TAB2: variants seen among roughly 807,000 people sequenced by gnomAD.
TAB2 encodes the protein TGF-beta activated kinase 1 (MAP3K7) binding protein 2.
TAB2 carries 3 observed loss-of-function variants against 65.0 expected under a neutral mutation model. The ratio of observed to expected loss-of-function variants is 0.05; its 90% CI spans 0.02 to 0.12. The LOEUF is 0.12. Among genes scored for constraint, TAB2 ranks in the 10% least tolerant of loss-of-function variants. The probability of loss-of-function intolerance (pLI) is 1.00; values close to 1 mark genes in which losing one functional copy is unlikely to be tolerated. For synonymous variants in TAB2, 298 were observed against 285.1 expected (o/e 1.05, Z -0.46); for missense variants, 623 against 840.3 (o/e 0.74, Z 3.20).
intron 1 of TAB2, among the ~76,000 whole-genome samples, chr6:149,264,939 C>T (rs1583054831): frequency 1.3e-5 from 2 of 152,216 alleles, no homozygotes; most frequent in South Asian, 4.1e-4. Context: ...CAGGGATGGG[C>T]TGGTAGAAGA....
intron 1 of TAB2, among the ~76,000 whole-genome samples, chr6:149,283,962 G>C (rs988914814): frequency 4.6e-5 from 7 of 152,104 alleles, no homozygotes; most frequent in African/African-American, 1.7e-4. Flanking sequence ...TTAACAGTAG[G>C]CTCTAACCAC....
intron 6 of TAB2, among the ~76,000 whole-genome samples, chr6:149,404,943 A>G (rs1209965128): frequency 6.6e-6 from 1 of 152,204 alleles, no homozygotes; most frequent in East Asian, 1.9e-4. Context: ...ATGCATCTAC[A>G]CGGCAAAGGA....
intron 1 of TAB2, among the ~76,000 whole-genome samples, chr6:149,286,280 A>T (rs1778675575): frequency 6.6e-6 from 1 of 152,240 alleles, no homozygotes; most frequent in South Asian, 2.1e-4. Context: ...ACTATTTTCA[A>T]ATATTATTGA....
intron 1 of TAB2, among the ~76,000 whole-genome samples, chr6:149,355,980 T>C (rs1780642460): frequency 6.6e-6 from 1 of 152,212 alleles, no homozygotes; most frequent in African/African-American, 2.4e-5. Context: ...TTTTTCCATG[T>C]AACACTTAAC....
intron 1 of TAB2, among the ~76,000 whole-genome samples, chr6:149,249,996 A>G (rs925237253): frequency 6.6e-6 from 1 of 152,178 alleles, no homozygotes; most frequent in African/African-American, 2.4e-5. Context: ...TTGGGTCTTG[A>G]AGGATGTGTA....
chr6:149,260,608 C>A (rs1778133217), intron 1 of TAB2, among the ~76,000 whole-genome samples: 2 of 152,264 alleles, frequency 1.3e-5, no homozygotes, highest in Admixed American at 6.5e-5. Context: ...CTGAAAGAAG[C>A]CACTAAAGAG....
chr6:149,383,693 C>G (rs967317804), intron 3 of TAB2, among the ~76,000 whole-genome samples: 4 of 152,326 alleles, frequency 2.6e-5, no homozygotes, highest in Admixed American at 2.6e-4. Context: ...AGCAGTTCTC[C>G]TGCCTCAGCC....
chr6:149,317,624 G>A (rs1779293301), upstream of TAB2: 1 of 157,226 alleles, frequency 6.4e-6, no homozygotes, highest in Admixed American at 6.6e-5. This position sits in a 1 kb window ranked among gnomAD's most constrained non-coding sequence, Gnocchi z 4.7. Flanking sequence ...GGGAGGGCAG[G>A]CGAGCGCGAG....
intron 1 of TAB2, among the ~76,000 whole-genome samples, chr6:149,269,199 G>A (rs1778317095): frequency 6.6e-6 from 1 of 152,154 alleles, no homozygotes; most frequent in African/African-American, 2.4e-5. Flanking sequence ...TAGCCTTTGT[G>A]CTGCGAATAA....
At chr6:149,300,897 T>A (rs560119879) in intron 1 of TAB2, among the ~76,000 whole-genome samples, 79 of 152,340 alleles carry the variant, frequency 5.2e-4, no homozygotes, top group African/African-American at 1.9e-3. Context: ...GAATCCTGAC[T>A]CAGCTACTCA....
rs2114909908 is a variant in TAB2 at position 149,385,844 on chromosome 6, A to G, written c.1603+6326A>G. Among the ~76,000 whole-genome samples the G allele has an allele frequency of 1.3e-5, 2 of 152,354 alleles. 1 individual carries two copies. The highest frequency in any genetic ancestry group is 6.8e-3 in the Middle Eastern group (2 of 294). ...TTACATTAAATTAATACCTTTAAAA[A>G]GTATTATGAAAATAACACACTCAGT... On this transcript the variant is annotated intron_variant, in intron 3 of 6. Coordinates refer to ENST00000637181, the MANE Select transcript of TAB2 (RefSeq NM_001292034.3).
intron 1 of TAB2, among the ~76,000 whole-genome samples, chr6:149,257,726 CAG>C (rs1169885291): frequency 6.6e-6 from 1 of 152,124 alleles, no homozygotes; most frequent in Admixed American, 6.5e-5. Context: ...TCTCTGGGGG[CAG>C]AGTCTTGGAG....
chr6:149,292,607 T>C (rs1003943747), intron 1 of TAB2, among the ~76,000 whole-genome samples: 1 of 152,196 alleles, frequency 6.6e-6, no homozygotes, highest in African/African-American at 2.4e-5. Context: ...ACTATGCTGT[T>C]GACAGGATTC....
intron 1 of TAB2, among the ~76,000 whole-genome samples, chr6:149,324,784 G>A (rs1013515613): frequency 4.0e-4 from 60 of 151,792 alleles, no homozygotes; most frequent in African/African-American, 1.4e-3. Context: ...GGCCATAGGG[G>A]TAGAAGAGAC....
chr6:149,275,199 T>G (rs1224751744), intron 1 of TAB2, among the ~76,000 whole-genome samples: 5 of 126,782 alleles, frequency 3.9e-5, no homozygotes, highest in African/African-American at 1.3e-4. Flanking sequence ...TCACTGAGCC[T>G]TGAACTCCCT....
intron 1 of TAB2, among the ~76,000 whole-genome samples, chr6:149,298,538 GA>G (rs1761524931): frequency 2.0e-5 from 3 of 152,144 alleles, no homozygotes; most frequent in Admixed American, 6.5e-5. Context: ...TGAGGTGGGA[GA>G]CTTGCTTGAT....
chr6:149,350,270 C>G (rs56924465), intron 1 of TAB2, among the ~76,000 whole-genome samples: 35,892 of 151,914 alleles, frequency 0.24, 4,423 homozygotes, highest in Non-Finnish European at 0.26. Context: ...TTCTTTGTGA[C>G]CAGGGCTTGT....
At chr6:149,395,269 A>G (rs1782126950) in intron 3 of TAB2, among the ~76,000 whole-genome samples, 1 of 152,264 alleles carries the variant, frequency 6.6e-6, no homozygotes, top group African/African-American at 2.4e-5. Context: ...AGGTTTTACA[A>G]TTCAGTCTAC....
At chr6:149,354,735 G>T (rs1346426675) in intron 1 of TAB2, among the ~76,000 whole-genome samples, 6 of 152,126 alleles carry the variant, frequency 3.9e-5, no homozygotes, top group Non-Finnish European at 8.8e-5. Context: ...AGTGGTGGTA[G>T]TTTTTTAACT....
Sources: gnomAD v4.1 joint callset for allele counts (sites outside exome capture counted in the v4.1 genomes callset) on GRCh38, gnomAD v4.1.1 for gene constraint, Gnocchi (gnomAD v3.1) non-coding constraint, MANE v1.5 for transcripts, NCBI Gene and HGNC (gene_info 2026-07-23, HGNC 2026-07-21) for gene names.